USP32: variants seen among roughly 807,000 people sequenced by gnomAD.
The protein encoded by USP32 is ubiquitin carboxyl-terminal hydrolase 32.
In USP32, 59 loss-of-function variants were observed where a neutral mutation model predicts 204.8. The ratio of observed to expected loss-of-function variants is 0.29; its 90% CI spans 0.23 to 0.36. The LOEUF (loss-of-function observed/expected upper bound fraction) is 0.36, where lower values mean the gene tolerates loss of function less well. Ranked by LOEUF, USP32 falls within the 10% of genes least tolerant of loss-of-function variation. The pLI is 1.00. For missense variants in USP32, 1,160 were observed against 1,946.4 expected, an observed-to-expected ratio of 0.60 and a Z score of 7.60; for synonymous variants, 517 against 678.4, an observed-to-expected ratio of 0.76 and a Z score of 3.70.
rs2084982975 is a variant in USP32, at chr17:60,212,064, C to T, written c.2139G>A (p.Met713Ile). The T allele has an allele frequency of 6.2e-7, 1 of 1,608,724 alleles. No individual in the cohort carries two copies. The highest frequency in any genetic ancestry group is 8.5e-7 in the Non-Finnish European group (1 of 1,176,882). ...RNKDMSWPEE[M>I]SFIANSSKID... is the part of the protein sequence containing the mutation. ...TTTTACTACTATTTGCTATAAAAGACATCTCCTCAGGCCAACTCATATCTT... is the reference window on the plus strand; with the variant it reads ...TTTTACTACTATTTGCTATAAAAGATATCTCCTCAGGCCAACTCATATCTT... The change falls in exon 19 of 34, where the codon ATG (methionine) becomes ATA (isoleucine). Residue 713 changes from methionine to isoleucine, a missense_variant. By Grantham distance (10) the Met-to-Ile change is conservative. Transcript: ENST00000300896.
chr17:60,419,279 C>T (rs142567502), intron 1 of USP32, among the ~76,000 whole-genome samples: 13 of 152,136 alleles, frequency 8.5e-5, no homozygotes, highest in Admixed American at 5.9e-4. Flanking sequence ...AACCAAATAC[C>T]GCATGTTCTC....
chr17:60,377,385 TATAA>T (rs1279278082), intron 1 of USP32, among the ~76,000 whole-genome samples: 1 of 152,224 alleles, frequency 6.6e-6, no homozygotes, highest in Non-Finnish European at 1.5e-5. Flanking sequence ...TTTTAAAACA[TATAA>T]ATGTCACTTG....
At chr17:60,220,950 C>A (rs1367739055) in intron 15 of USP32, among the ~76,000 whole-genome samples, 1 of 151,818 alleles carries the variant, frequency 6.6e-6, no homozygotes, top group Non-Finnish European at 1.5e-5. Context: ...GCCCAGCCAA[C>A]ACTGAAATTC....
chr17:60,242,885 A>T (rs2145668990), intron 11 of USP32, among the ~76,000 whole-genome samples: 1 of 152,300 alleles, frequency 6.6e-6, no homozygotes, highest in East Asian at 1.9e-4. Flanking sequence ...TTCCCTATAC[A>T]ATTTAGGAAT....
intron 9 of USP32, among the ~76,000 whole-genome samples, chr17:60,262,868 A>G (rs1172903483): frequency 2.0e-5 from 3 of 152,120 alleles, no homozygotes; most frequent in East Asian, 3.9e-4. Context: ...TTAAAGTGCC[A>G]CATCCCAGCA....
In USP32 at chr17:60,362,906, A is replaced by T. The variant is rs76374103; in HGVS notation, c.59-17298T>A. ...ATAGTCCAATTTCCTTTACAAATCTAACCAAATTGTAATAACTGATTGTCT... is the reference window on the plus strand; with the variant it reads ...ATAGTCCAATTTCCTTTACAAATCTTACCAAATTGTAATAACTGATTGTCT... On this transcript the variant is annotated intron_variant, in intron 1 of 33. Coordinates refer to ENST00000300896, the MANE Select transcript of USP32 (RefSeq NM_032582.4). Among the ~76,000 whole-genome samples the T allele has an allele frequency of 9.5e-3, 1,440 of 152,164 alleles. 31 individuals carry two copies. The highest frequency in any genetic ancestry group is 0.033 in the African/African-American group (1,384 of 41,548).
At position 60,180,643 on chromosome 17, in the gene USP32, A is replaced by G. The variant is rs765622175; in HGVS notation, c.4549-6T>C. ...CCCAGAATTCCTGAATGGCACTGTA[A>G]GAGATAAGAGAGTGGAGGTATGTTA... On this transcript the variant is annotated splice_region_variant and splice_polypyrimidine_tract_variant and intron_variant, in intron 32 of 33. Transcript: ENST00000300896. The G allele has an allele frequency of 6.2e-7, 1 of 1,613,194 alleles. No homozygotes were observed. The highest frequency in any genetic ancestry group is 1.1e-5 in the South Asian group (1 of 91,040).
At chr17:60,313,599 CG>C (rs1567846803) in intron 2 of USP32, among the ~76,000 whole-genome samples, 1 of 151,778 alleles carries the variant, frequency 6.6e-6, no homozygotes, top group East Asian at 1.9e-4. Flanking sequence ...GATTAGAAAG[CG>C]GAATAGTACC....
intron 2 of USP32, among the ~76,000 whole-genome samples, chr17:60,340,592 C>T (rs1045240292): frequency 2.6e-5 from 4 of 152,298 alleles, no homozygotes; most frequent in South Asian, 4.1e-4. Context: ...CTCCTGAATA[C>T]AGCACACTGA....
chr17:60,294,801 T>A lies in USP32; in HGVS notation c.293A>T (p.Tyr98Phe). The A allele has an allele frequency of 6.3e-7, 1 of 1,582,828 alleles. No homozygotes were observed. The highest frequency in any genetic ancestry group is 1.1e-5 in the South Asian group (1 of 88,622). ...TTCACTTGAAAAAAGACTAAAAATG[T>A]CTAAGAAAAAGAAAGATAGAATAAA... ...TRGKDEEKAK[Y>F]IFSLFSSESG... Residue 98 changes from tyrosine (Y) to phenylalanine (F), a missense_variant and splice_region_variant, in exon 4 of 34, where the codon TAC becomes TTC. Transcript: ENST00000300896.
chr17:60,253,984 C>A (rs1383031655), intron 10 of USP32, among the ~76,000 whole-genome samples: 1 of 152,108 alleles, frequency 6.6e-6, no homozygotes, highest in African/African-American at 2.4e-5. Context: ...AAAACTTAGT[C>A]ATTAACTCTC....
intron 9 of USP32, among the ~76,000 whole-genome samples, chr17:60,260,109 G>T (rs1484601397): frequency 1.3e-5 from 2 of 152,156 alleles, no homozygotes; most frequent in Admixed American, 6.5e-5. Flanking sequence ...TGACTTAAGA[G>T]ACCTGTTGTT....
At chr17:60,367,855 CT>C (rs2089348334) in intron 1 of USP32, among the ~76,000 whole-genome samples, 1 of 152,086 alleles carries the variant, frequency 6.6e-6, no homozygotes, top group South Asian at 2.1e-4. Context: ...ATGGCTACCT[CT>C]GTACCAAACA....
At chr17:60,404,510 G>A (rs758914635) in intron 1 of USP32, among the ~76,000 whole-genome samples, 12 of 152,070 alleles carry the variant, frequency 7.9e-5, no homozygotes, top group Non-Finnish European at 1.0e-4. Flanking sequence ...AGACAATCTC[G>A]TTTCCTAAAA....
intron 2 of USP32, among the ~76,000 whole-genome samples, chr17:60,302,404 C>G (rs1460557461): frequency 6.6e-6 from 1 of 152,196 alleles, no homozygotes; most frequent in Non-Finnish European, 1.5e-5. Context: ...ACCTTGGCCT[C>G]CCAAAGTGCC....
chr17:60,184,831 A>G (rs1333397136), intron 30 of USP32, among the ~76,000 whole-genome samples: 2 of 150,220 alleles, frequency 1.3e-5, no homozygotes, highest in African/African-American at 4.9e-5. Context: ...AAAAAAAAAC[A>G]TATAAATATC....
intron 8 of USP32, 106 bp downstream of exon 8, chr17:60,265,870 T>C: frequency 1.2e-6 from 1 of 838,906 alleles, no homozygotes; most frequent in Non-Finnish European, 1.9e-6. Context: ...CATAATGTAG[T>C]AACTAAAAGC....
At chr17:60,349,891 T>TA (rs887673295) in intron 1 of USP32, among the ~76,000 whole-genome samples, 2 of 151,066 alleles carry the variant, frequency 1.3e-5, no homozygotes, top group Non-Finnish European at 3.0e-5. Context: ...AATAAATACA[T>TA]AAAAATGTTC....
chr17:60,236,100 T>C, intron 12 of USP32, 38 bp downstream of exon 12: 1 of 1,560,300 alleles, frequency 6.4e-7, no homozygotes, highest in Non-Finnish European at 8.8e-7. Flanking sequence ...CAGCTGAAAA[T>C]CCTGTGAAAA....
Sources: allele counts gnomAD v4.1 joint callset (sites outside exome capture counted in the v4.1 genomes callset), GRCh38; gene constraint gnomAD v4.1.1; transcripts MANE v1.5; gene names NCBI Gene and HGNC (gene_info 2026-07-23, HGNC 2026-07-21).